The following GPHN variants were observed in gnomAD, a reference collection of about 807,000 sequenced individuals.
The protein encoded by GPHN is gephyrin.
A neutral mutation model predicts 95.5 loss-of-function variants in GPHN; 17 were observed. The observed-to-expected ratio is 0.18, with a 90% CI of 0.12 to 0.27. GPHN has a LOEUF of 0.27. Among genes scored for constraint, GPHN ranks in the 10% least tolerant of loss-of-function variants. GPHN has a pLI of 1.00. For synonymous variants in GPHN, 320 were observed against 322.5 expected, an observed-to-expected ratio of 0.99 and a Z score of 0.08; for missense variants, 660 against 978.1, an observed-to-expected ratio of 0.67 and a Z score of 4.34.
In GPHN at chr14:66,905,992, CTT is replaced by C. The variant is rs201011247; in HGVS notation, c.390-9996_390-9995del. Among the ~76,000 whole-genome samples the C allele has an allele frequency of 5.6e-3, 750 of 134,364 alleles. 3 individuals carry two copies. The highest frequency in any genetic ancestry group is 7.2e-3 in the Non-Finnish European group (451 of 62,342). 88.1% of individuals were successfully genotyped at this position (134,364 alleles called of 152,430 possible). ...AATTCAGGATATATTTGATTCGAGG[CTT>C]TTTTTTTTTTTTTTACCACTTCCCC... On this transcript the variant is annotated intron_variant, in intron 5 of 22. Coordinates refer to ENST00000478722, the MANE Select transcript of GPHN (RefSeq NM_020806.5).
At chr14:67,694,806 T>C in the GPHN span, among the ~76,000 whole-genome samples, 5 of 152,170 alleles carry the variant, frequency 3.3e-5, no homozygotes, top group Admixed American at 6.5e-5. Context: ...TGATCTGGCC[T>C]GGCTTCAAGT....
chr14:67,479,141 G>T, the GPHN span, among the ~76,000 whole-genome samples: 1 of 152,166 alleles, frequency 6.6e-6, no homozygotes, highest in Admixed American at 6.5e-5. Flanking sequence ...GGACGTGGTG[G>T]CTCACCCTGT....
At chr14:66,658,429 C>T (rs1166243474) in intron 1 of GPHN, among the ~76,000 whole-genome samples, 1 of 152,112 alleles carries the variant, frequency 6.6e-6, no homozygotes, top group African/African-American at 2.4e-5. Context: ...GAAAAAAATT[C>T]TGTGAATAAA....
intron 4 of GPHN, among the ~76,000 whole-genome samples, chr14:66,859,552 C>T (rs2062943285): frequency 6.6e-6 from 1 of 152,208 alleles, no homozygotes; most frequent in African/African-American, 2.4e-5. Flanking sequence ...CCTAACTCTT[C>T]AATGCCAGAA....
chr14:66,709,487 A>G (rs143620518), intron 2 of GPHN: 2 of 445,322 alleles, frequency 4.5e-6, no homozygotes, highest in African/African-American at 4.0e-5. Flanking sequence ...GGTAGCCTAT[A>G]CAATGTGAAT....
At chr14:66,729,463 A>G (rs573726302) in intron 2 of GPHN, among the ~76,000 whole-genome samples, 4 of 152,344 alleles carry the variant, frequency 2.6e-5, no homozygotes, top group African/African-American at 9.6e-5. Context: ...GATAAGTCAT[A>G]TAATTCAAAG....
chr14:67,140,678 T>G (rs1482715945), intron 17 of GPHN, among the ~76,000 whole-genome samples: 1 of 152,192 alleles, frequency 6.6e-6, no homozygotes. Context: ...GATGCTGTGT[T>G]TGGGATGTTT....
At chr14:67,225,275 T>A in the GPHN span, 3 of 1,479,990 alleles carry the variant, frequency 2.0e-6, no homozygotes, top group East Asian at 2.5e-5. Flanking sequence ...GGTAACTTTT[T>A]AATTATAAGT....
the GPHN span, among the ~76,000 whole-genome samples, chr14:67,461,996 A>G: frequency 1.8e-4 from 28 of 152,246 alleles, no homozygotes; most frequent in Admixed American, 1.8e-3. Flanking sequence ...TGGGCAAGCC[A>G]GGGAGGCTCT....
At chr14:67,599,538 ACACT>A in the GPHN span, among the ~76,000 whole-genome samples, 3 of 152,198 alleles carry the variant, frequency 2.0e-5, no homozygotes, top group Non-Finnish European at 4.4e-5. Context: ...AAGAACTATA[ACACT>A]CTATCTATAC....
chr14:66,610,440 G>A (rs1256256545), intron 1 of GPHN, among the ~76,000 whole-genome samples: 1 of 151,756 alleles, frequency 6.6e-6, no homozygotes, highest in Non-Finnish European at 1.5e-5. Flanking sequence ...TTGAACTCTT[G>A]GTGTTTCCTC....
intron 12 of GPHN, among the ~76,000 whole-genome samples, chr14:67,097,289 G>T (rs765874525): frequency 5.9e-5 from 9 of 152,158 alleles, no homozygotes; most frequent in Non-Finnish European, 1.3e-4. Context: ...TCTTTAATCA[G>T]AAGGCAAGAA....
the GPHN span, among the ~76,000 whole-genome samples, chr14:67,257,450 A>C: frequency 3.7e-3 from 568 of 152,244 alleles, 4 homozygotes; most frequent in African/African-American, 0.013. Context: ...TCCTTGGCTT[A>C]GTGGTTTTGG....
intron 9 of GPHN, among the ~76,000 whole-genome samples, chr14:66,982,365 AG>A (rs534191779): frequency 4.0e-4 from 61 of 152,250 alleles, no homozygotes; most frequent in African/African-American, 1.2e-3. Flanking sequence ...TGGAAAAAAA[AG>A]TAAATAGAAA....
At chr14:67,198,036 A>G in the GPHN span, 1 of 1,140,494 alleles carries the variant, frequency 8.8e-7, no homozygotes, top group Non-Finnish European at 1.2e-6. Context: ...AGCATATCAC[A>G]GATATTGATA....
chr14:66,539,917 T>G (rs1481333029), intron 1 of GPHN, among the ~76,000 whole-genome samples: 1 of 152,242 alleles, frequency 6.6e-6, no homozygotes, highest in African/African-American at 2.4e-5. Flanking sequence ...TCTTAAAAAT[T>G]GGATTGAAAT....
chr14:67,215,512 A>AC, the GPHN span, among the ~76,000 whole-genome samples: 1 of 129,684 alleles, frequency 7.7e-6, no homozygotes, highest in Non-Finnish European at 1.5e-5. Context: ...CAAAGATTAA[A>AC]AAACAACAAC....
At chr14:67,588,023 A>C in the GPHN span, 1 of 152,610 alleles carries the variant, frequency 6.6e-6, no homozygotes, top group African/African-American at 2.4e-5. Context: ...TTGGAGAAAA[A>C]AGAATAGACT....
the GPHN span, chr14:67,647,844 G>T: frequency 1.4e-5 from 8 of 582,718 alleles, no homozygotes; most frequent in Admixed American, 9.3e-5. Flanking sequence ...GCAGTATCAT[G>T]AAGTGGTATG....
Sources: gnomAD v4.1 joint callset for allele counts (sites outside exome capture counted in the v4.1 genomes callset) on GRCh38, gnomAD v4.1.1 for gene constraint, MANE v1.5 for transcripts, NCBI Gene and HGNC (gene_info 2026-07-23, HGNC 2026-07-21) for gene names.